PRC1: variants seen among roughly 807,000 people sequenced by gnomAD.
PRC1 encodes the protein anaphase spindle elongation 1 homolog.
In PRC1, 54 loss-of-function variants were observed where a neutral mutation model predicts 91.2. The ratio of observed to expected loss-of-function variants is 0.59; its 90% CI spans 0.48 to 0.74. The LOEUF is 0.74. Among genes scored for constraint, PRC1 ranks in the 30% least tolerant of loss-of-function variants. The pLI is 0.00. For synonymous variants in PRC1, 275 were observed against 263.6 expected, an observed-to-expected ratio of 1.04 and a Z score of -0.42; for missense variants, 727 against 746.2, an observed-to-expected ratio of 0.97 and a Z score of 0.30.
chr15:90,982,886 A>T lies in PRC1; in HGVS notation c.268-905T>A, dbSNP rs370189929. 1.8e-4 allele frequency: 27 copies of T among 152,200 alleles called. No individual in the cohort carries two copies. In the East Asian group the frequency reaches 1.9e-3, roughly 11 times the overall value. 9.4% of individuals were successfully genotyped at this position (152,200 alleles called of 1,614,324 possible). On this transcript the variant is annotated intron_variant, in intron 3 of 14. Coordinates refer to ENST00000394249, the MANE Select transcript of PRC1 (RefSeq NM_003981.4). ...CGTCTCACCTTAGCAACAAAAACCC[A>T]TCTGGTAGTCCCTGCTCTACTCCTA...
chr15:90,993,852 G>A (rs536399596), intron 1 of PRC1, among the ~76,000 whole-genome samples: 27 of 152,342 alleles, frequency 1.8e-4, no homozygotes, highest in African/African-American at 4.3e-4. Context: ...GGAGGCCGAG[G>A]TGGCAGGATT....
At chr15:90,991,752 G>C (rs867386498) in intron 1 of PRC1, among the ~76,000 whole-genome samples, 7 of 151,954 alleles carry the variant, frequency 4.6e-5, no homozygotes, top group African/African-American at 1.7e-4. Flanking sequence ...CCCCACCCTG[G>C]TCCAGGTCAC....
chr15:90,984,066 C>A lies in PRC1; in HGVS notation c.219G>T (p.Gln73His). 6.2e-7 allele frequency: 1 copy of A among 1,614,134 alleles called. No homozygotes were observed. The highest frequency in any genetic ancestry group is 8.5e-7 in the Non-Finnish European group (1 of 1,180,018). ...CGCTGCACAGAGTGTTCAGCTCTTTCTGACAGACGGATATGCTTTTGATGA... is the reference window on the plus strand; with the variant it reads ...CGCTGCACAGAGTGTTCAGCTCTTTATGACAGACGGATATGCTTTTGATGA... ...ERLIKSISVCQKELNTLCSEL... is the reference protein window; with the variant it reads ...ERLIKSISVCHKELNTLCSEL... Residue 73 changes from glutamine to histidine, a missense_variant, in exon 3 of 15, where the codon CAG (glutamine) becomes CAT (histidine). By Grantham distance (24) the Gln-to-His change is conservative. Transcript: ENST00000394249. The surrounding 1 kb of genome is among the most constrained non-coding windows in gnomAD (Gnocchi z 5.1).
chr15:90,986,797 T>A (rs1178972915), intron 1 of PRC1, among the ~76,000 whole-genome samples: 1 of 151,742 alleles, frequency 6.6e-6, no homozygotes, highest in Admixed American at 6.6e-5. Context: ...GTAAAGCGAG[T>A]CTGTTTTACT....
chr15:90,980,438 C>G lies in PRC1; in HGVS notation c.823-49G>C, dbSNP rs770226976. On this transcript the variant is annotated intron_variant, in intron 6 of 14. Coordinates refer to ENST00000394249, the MANE Select transcript of PRC1 (RefSeq NM_003981.4). ...GGTGGCTGCCATAGTTTTATATTCACTCAGGTTTGCAAAAGATCCCCCCCT... is the reference window on the plus strand; with the variant it reads ...GGTGGCTGCCATAGTTTTATATTCAGTCAGGTTTGCAAAAGATCCCCCCCT... The G allele has an allele frequency of 4.4e-6, 7 of 1,581,834 alleles. No individual in the cohort carries two copies. The South Asian group carries it at 8.1e-5, about 18-fold the overall frequency.
intron 3 of PRC1, 171 bp downstream of exon 3, chr15:90,983,847 G>C (rs2039386504): frequency 1.2e-6 from 1 of 819,398 alleles, no homozygotes. Flanking sequence ...TCTCTACAGA[G>C]GTGAGAATTA....
Position 90,976,658 on chromosome 15 carries a change from C to A in PRC1, c.1203+18G>T, listed in dbSNP as rs2038727610. ...ATCTTTGTAACCAAGCATCAAAAAC[C>A]CTTAGCAACATTATTACCTTGGGCA... On this transcript the variant is annotated intron_variant, in intron 9 of 14. Coordinates refer to ENST00000394249, the MANE Select transcript of PRC1 (RefSeq NM_003981.4). The A allele has an allele frequency of 6.3e-7, 1 of 1,578,652 alleles. No individual in the cohort carries two copies. Among genetic ancestry groups the A allele is most frequent in the African/African-American group, 1.4e-5 (1 of 73,806 alleles).
rs2039234354 is a variant in PRC1, at chr15:90,981,997, TACC to T, written c.268-19_268-17del. On this transcript the variant is annotated splice_polypyrimidine_tract_variant and intron_variant, in intron 3 of 14. Coordinates refer to ENST00000394249, the MANE Select transcript of PRC1 (RefSeq NM_003981.4). ...CTCCTTCTTCCTGAATAAGACAACGTACCACTGTTATAAGATTCCAAGTGAATT... is the reference window on the plus strand; with the variant it reads ...CTCCTTCTTCCTGAATAAGACAACGTACTGTTATAAGATTCCAAGTGAATT... 6.2e-7 allele frequency: 1 copy of T among 1,602,300 alleles called. No homozygotes were observed. Among genetic ancestry groups the T allele is most frequent in the African/African-American group, 1.3e-5 (1 of 74,364 alleles).
At chr15:90,970,363 G>C in intron 12 of PRC1, 41 bp downstream of exon 12, 1 of 1,432,914 alleles carries the variant, frequency 7.0e-7, no homozygotes, top group Non-Finnish European at 9.8e-7. Context: ...AACAGGCTAG[G>C]GACGCATGTG....
intron 1 of PRC1, among the ~76,000 whole-genome samples, chr15:90,991,012 C>T (rs959124922): frequency 3.3e-5 from 5 of 151,268 alleles, no homozygotes; most frequent in African/African-American, 9.7e-5. Context: ...CTCCTGACCT[C>T]GTGATCCGAC....
chr15:90,974,223 T>C lies in PRC1; in HGVS notation c.1374A>G (p.Thr458=). The C allele has an allele frequency of 6.2e-7, 1 of 1,614,158 alleles. No homozygotes were observed. Among genetic ancestry groups the C allele is most frequent in the East Asian group, 2.2e-5 (1 of 44,888 alleles). Residue 458 remains threonine (T), a synonymous_variant, in exon 11 of 15, where the codon ACA becomes ACG. Coordinates refer to ENST00000394249, the MANE Select transcript of PRC1 (RefSeq NM_003981.4). The surrounding 1 kb of genome is among the most constrained non-coding windows in gnomAD (Gnocchi z 4.6). ...CGCTGCCATACAGCATCTCTGTCTC[T>C]GTCTGTTTTTTGTTCTTCAGTTGCT... ...QERQLKNKKQ[T]ETEMLYGSAP...
Position 90,984,702 on chromosome 15 carries a change from C to T in PRC1, c.135G>A (p.Lys45=). The change falls in exon 2 of 15, where the codon AAG becomes AAA. Residue 45 remains lysine (K), a synonymous_variant. Coordinates refer to ENST00000394249, the MANE Select transcript of PRC1 (RefSeq NM_003981.4). This position sits in a 1 kb window ranked among gnomAD's most constrained non-coding sequence, Gnocchi z 5.1. ...GTACTATTCAACCCACCTTGATATG[C>T]TTCTTTACCACCTCAGTTCTTTGTA... ...QRLQRTEVVK[K]HIKELLDMMI... is the part of the protein sequence containing the mutation. 1.2e-6 allele frequency: 2 copies of T among 1,614,194 alleles called. No individual in the cohort carries two copies. Among genetic ancestry groups the T allele is most frequent in the Non-Finnish European group, 1.7e-6 (2 of 1,180,028 alleles).
At chr15:90,979,050 T>C in intron 8 of PRC1, 108 bp downstream of exon 8, 6 of 1,308,980 alleles carry the variant, frequency 4.6e-6, no homozygotes, top group Non-Finnish European at 6.2e-6. Flanking sequence ...AGAGACTTAA[T>C]GATAAAGATG....
At position 90,990,680 on chromosome 15, in the gene PRC1, T is replaced by C. The variant is rs2039926530; in HGVS notation, c.11+3727A>G. On this transcript the variant is annotated intron_variant, in intron 1 of 14. Transcript: ENST00000394249. ...CTGAATATTCTAAAAATCACTGAATTATAATATACAATTTAAGTACATTGT... is the reference window on the plus strand; with the variant it reads ...CTGAATATTCTAAAAATCACTGAATCATAATATACAATTTAAGTACATTGT... Among the ~76,000 whole-genome samples, 3 of 152,286 alleles carry C rather than the reference T, an allele frequency of 2.0e-5. No homozygotes were observed. In the South Asian group the frequency reaches 6.2e-4, roughly 32 times the overall value.
intron 1 of PRC1, chr15:90,987,495 AAATT>A (rs1308660603): frequency 1.3e-5 from 2 of 152,206 alleles, no homozygotes; most frequent in Non-Finnish European, 2.9e-5. Flanking sequence ...TTTTAACAAA[AAATT>A]ATTTATCTAA....
intron 1 of PRC1, among the ~76,000 whole-genome samples, chr15:90,986,911 G>A (rs1377626136): frequency 2.0e-5 from 3 of 150,898 alleles, no homozygotes; most frequent in Non-Finnish European, 4.4e-5. Context: ...AAACACTTTA[G>A]GCTGAGCAAA....
In PRC1 at chr15:90,981,987, TA is replaced by T. The variant is rs1567197875; in HGVS notation, c.268-7del. On this transcript the variant is annotated splice_polypyrimidine_tract_variant and splice_region_variant and intron_variant, in intron 3 of 14. Coordinates refer to ENST00000394249, the MANE Select transcript of PRC1 (RefSeq NM_003981.4). ...ATGGTCGTCTCTCCTTCTTCCTGAATAAGACAACGTACCACTGTTATAAGAT... is the reference window on the plus strand; with the variant it reads ...ATGGTCGTCTCTCCTTCTTCCTGAATAGACAACGTACCACTGTTATAAGAT... The T allele has an allele frequency of 3.1e-6, 5 of 1,608,734 alleles. No homozygotes were observed. The highest frequency in any genetic ancestry group is 4.3e-6 in the Non-Finnish European group (5 of 1,175,606).
At chr15:90,969,724 T>A in intron 12 of PRC1, 101 bp from the exon 13 acceptor site, 1 of 823,120 alleles carries the variant, frequency 1.2e-6, no homozygotes, top group Admixed American at 2.9e-5. Flanking sequence ...ATCTTTATAT[T>A]CATGTCTATA....
chr15:90,970,289 A>T, intron 12 of PRC1, 115 bp downstream of exon 12: 1 of 763,700 alleles, frequency 1.3e-6, no homozygotes, highest in Non-Finnish European at 2.2e-6. Context: ...AACTCTCAGC[A>T]TCTCAATAAG....
Sources: gnomAD v4.1 joint callset for allele counts (sites outside exome capture counted in the v4.1 genomes callset) on GRCh38, gnomAD v4.1.1 for gene constraint, Gnocchi (gnomAD v3.1) non-coding constraint, MANE v1.5 for transcripts, NCBI Gene and HGNC (gene_info 2026-07-23, HGNC 2026-07-21) for gene names.